KCNQ5: variants seen among roughly 807,000 people sequenced by gnomAD.
KCNQ5 encodes the protein potassium voltage-gated channel subfamily Q member 5, also known as potassium voltage-gated channel subfamily KQT member 5.
In KCNQ5, 30 loss-of-function variants were observed where a neutral mutation model predicts 98.2. That is an observed-to-expected ratio of 0.31 (90% CI 0.23 to 0.41). The LOEUF is 0.41. Ranked by LOEUF, KCNQ5 falls within the 10% of genes least tolerant of loss-of-function variation. The probability of loss-of-function intolerance (pLI) is 1.00; values close to 1 mark genes in which losing one functional copy is unlikely to be tolerated. For synonymous variants in KCNQ5, 458 were observed against 449.4 expected (o/e 1.02, Z -0.24); for missense variants, 835 against 1,182.5 (o/e 0.71, Z 4.31).
At position 72,931,396 on chromosome 6, in the gene KCNQ5, C is replaced by G. The variant is rs182405303; in HGVS notation, c.399-72512C>G. Among the ~76,000 whole-genome samples, 8 of 152,222 alleles carry G rather than the reference C, an allele frequency of 5.3e-5. No homozygotes were observed. In the East Asian group the frequency reaches 1.5e-3, roughly 29 times the overall value. ...TTTTAAGAATCAAATTTCAGGATAT[C>G]TGGTTAATGATGGTGGGTTGAACAC... On this transcript the variant is annotated intron_variant, in intron 1 of 13. Coordinates refer to ENST00000370398, the MANE Select transcript of KCNQ5 (RefSeq NM_019842.4).
chr6:72,704,845 G>A (rs922259747), intron 1 of KCNQ5, among the ~76,000 whole-genome samples: 1 of 152,098 alleles, frequency 6.6e-6, no homozygotes, highest in Non-Finnish European at 1.5e-5. Context: ...TAATGCTATT[G>A]CATTAAATGT....
chr6:72,664,227 A>G (rs1337280632), intron 1 of KCNQ5, among the ~76,000 whole-genome samples: 1 of 152,240 alleles, frequency 6.6e-6, no homozygotes, highest in African/African-American at 2.4e-5. Context: ...TCTAAAGTTA[A>G]TACAAAAAAG....
Position 72,755,159 on chromosome 6 carries a change from T to A in KCNQ5, c.398+132572T>A, listed in dbSNP as rs150229712. Among the ~76,000 whole-genome samples the A allele has an allele frequency of 2.7e-4, 41 of 152,146 alleles. No individual in the cohort carries two copies. The South Asian group carries it at 4.8e-3, about 18-fold the overall frequency. On this transcript the variant is annotated intron_variant, in intron 1 of 13. Transcript: ENST00000370398. Reference sequence around the variant, plus strand: ...CTGATAGTAATACAGTCACTCCAGCTTTCTTTTGATTAGCATTTGTGTGGT... The same window carrying A: ...CTGATAGTAATACAGTCACTCCAGCATTCTTTTGATTAGCATTTGTGTGGT...
At chr6:72,848,080 T>G (rs1348040044) in intron 1 of KCNQ5, among the ~76,000 whole-genome samples, 1 of 152,044 alleles carries the variant, frequency 6.6e-6, no homozygotes, top group African/African-American at 2.4e-5. Context: ...TTAGTCTAGT[T>G]CATGTCCCCA....
At chr6:73,080,476 G>C (rs1440985225) in intron 5 of KCNQ5, among the ~76,000 whole-genome samples, 3 of 152,050 alleles carry the variant, frequency 2.0e-5, no homozygotes, top group Non-Finnish European at 4.4e-5. Context: ...ACAAACAAGA[G>C]AGCTCATTGT....
chr6:73,102,919 A>G (rs1774848519), intron 5 of KCNQ5, among the ~76,000 whole-genome samples: 1 of 152,200 alleles, frequency 6.6e-6, no homozygotes, highest in Admixed American at 6.5e-5. Flanking sequence ...CTAAAAATAG[A>G]GCTACCATGT....
intron 1 of KCNQ5, among the ~76,000 whole-genome samples, chr6:72,627,889 C>T (rs2098918792): frequency 6.6e-6 from 1 of 152,172 alleles, no homozygotes; most frequent in East Asian, 1.9e-4. Context: ...AGATCACTTC[C>T]TCTTGGGCAT....
At chr6:72,840,127 T>C (rs1776727164) in intron 1 of KCNQ5, among the ~76,000 whole-genome samples, 1 of 152,216 alleles carries the variant, frequency 6.6e-6, no homozygotes, top group Admixed American at 6.5e-5. Context: ...CCATTGTGTA[T>C]ATATACCACA....
At chr6:73,034,432 T>A (rs1176812962) in intron 2 of KCNQ5, among the ~76,000 whole-genome samples, 1 of 152,224 alleles carries the variant, frequency 6.6e-6, no homozygotes, top group Non-Finnish European at 1.5e-5. Context: ...TGTCGGCATT[T>A]CATCTTCACG....
chr6:73,097,018 G>A (rs2150410847), intron 5 of KCNQ5, among the ~76,000 whole-genome samples: 1 of 151,834 alleles, frequency 6.6e-6, no homozygotes, highest in East Asian at 1.9e-4. Context: ...TCCAGTCTGG[G>A]TGACAGAGTG....
In KCNQ5 at chr6:73,133,648, C is replaced by A. The variant is rs370586479; in HGVS notation, c.1468+7C>A. On this transcript the variant is annotated splice_region_variant and intron_variant, in intron 10 of 13. Coordinates refer to ENST00000370398, the MANE Select transcript of KCNQ5 (RefSeq NM_019842.4). ...CCAAAACCAGTGATAGATGGTAAGC[C>A]CTGTTTTTCCATAACCATTTTTAAT... 1.2e-6 allele frequency: 2 copies of A among 1,613,286 alleles called. No individual in the cohort carries two copies. The highest frequency in any genetic ancestry group is 1.7e-6 in the Non-Finnish European group (2 of 1,179,322).
intron 10 of KCNQ5, among the ~76,000 whole-genome samples, chr6:73,137,787 G>A (rs986543487): frequency 6.6e-6 from 1 of 152,164 alleles, no homozygotes; most frequent in South Asian, 2.1e-4. Flanking sequence ...GCACATGCAG[G>A]CAATTGAATT....
chr6:73,109,687 G>T (rs558111308), intron 6 of KCNQ5, among the ~76,000 whole-genome samples: 2 of 152,222 alleles, frequency 1.3e-5, no homozygotes, highest in African/African-American at 2.4e-5. Context: ...ACAGAGACCA[G>T]GTTTTTATAA....
chr6:72,814,256 G>T (rs1015424743), intron 1 of KCNQ5, among the ~76,000 whole-genome samples: 1 of 152,140 alleles, frequency 6.6e-6, no homozygotes, highest in African/African-American at 2.4e-5. Flanking sequence ...GCTCGGTGGT[G>T]CTCCTCCACC....
intron 1 of KCNQ5, among the ~76,000 whole-genome samples, chr6:72,973,839 T>C (rs1582118243): frequency 6.6e-6 from 1 of 152,248 alleles, no homozygotes; most frequent in South Asian, 2.1e-4. Context: ...ATGTGACATC[T>C]CTATCTGCCT....
intron 5 of KCNQ5, among the ~76,000 whole-genome samples, chr6:73,084,425 G>A (rs529063396): frequency 3.3e-5 from 5 of 151,962 alleles, no homozygotes; most frequent in African/African-American, 1.2e-4. Flanking sequence ...ACTTCATTTG[G>A]CCCATATTAC....
At chr6:72,914,066 G>A (rs769976391) in intron 1 of KCNQ5, among the ~76,000 whole-genome samples, 4 of 152,122 alleles carry the variant, frequency 2.6e-5, no homozygotes, top group Non-Finnish European at 5.9e-5. Context: ...GGGATATGAG[G>A]GAGGGAAAGG....
Position 72,662,485 on chromosome 6 carries a change from C to CA in KCNQ5, c.398+39899dup, listed in dbSNP as rs570238842. Among the ~76,000 whole-genome samples the CA allele has an allele frequency of 2.0e-3, 310 of 151,976 alleles. 3 individuals are homozygous for CA. Among genetic ancestry groups the CA allele is most frequent in the African/African-American group, 7.2e-3 (298 of 41,470 alleles). On this transcript the variant is annotated intron_variant, in intron 1 of 13. Transcript: ENST00000370398. Reference sequence around the variant, plus strand: ...AAGCAGATGTGAATCAGCTACTAGACAGATATCATTACACCATGCCCATGA... The same window carrying CA: ...AAGCAGATGTGAATCAGCTACTAGACAAGATATCATTACACCATGCCCATGA...
At chr6:72,652,240 C>CAA (rs66526018) in intron 1 of KCNQ5, among the ~76,000 whole-genome samples, 8 of 105,310 alleles carry the variant, frequency 7.6e-5, no homozygotes, top group Admixed American at 2.1e-4. Context: ...GAGGCAGAAG[C>CAA]AAAAAAAAAA....
Sources: gnomAD v4.1 joint callset for allele counts (sites outside exome capture counted in the v4.1 genomes callset) on GRCh38, gnomAD v4.1.1 for gene constraint, MANE v1.5 for transcripts, NCBI Gene and HGNC (gene_info 2026-07-23, HGNC 2026-07-21) for gene names.